Variants in CXCR6 observed in about 807,000 individuals in gnomAD.
CXCR6 encodes the protein C-X-C chemokine receptor type 6.
In CXCR6, 3 loss-of-function variants were observed where a neutral mutation model predicts 1.6. The observed-to-expected ratio is 1.83, with a 90% CI of 0.83 to 4.72. The LOEUF is 4.72. Among genes scored for constraint, CXCR6 ranks in the 30% most tolerant of loss-of-function variants. CXCR6 has a pLI of 0.02. For missense variants in CXCR6, 326 were observed against 414.8 expected (o/e 0.79, Z 1.86); for synonymous variants, 171 against 159.2 (o/e 1.07, Z -0.56).
In CXCR6 at chr3:45,946,489, A is replaced by C. The variant is rs1196953585; in HGVS notation, c.8A>C (p.Glu3Ala). 7 of 1,612,338 alleles carry C rather than the reference A, an allele frequency of 4.3e-6. No individual in the cohort carries two copies. In the Admixed American group the frequency reaches 8.3e-5, roughly 19 times the overall value. MAEHDYHEDYGFS... is the reference protein window; with the variant it reads MAAHDYHEDYGFS... ...TTCATCAGAACAGACACCATGGCAGAGCATGATTACCATGAAGACTATGGG... is the reference window on the plus strand; with the variant it reads ...TTCATCAGAACAGACACCATGGCAGCGCATGATTACCATGAAGACTATGGG... The change falls in exon 2 of 2, where the codon GAG (glutamate) becomes GCG (alanine). Residue 3 changes from glutamate (E) to alanine (A), a missense_variant. Glu to Ala is a moderately radical substitution (Grantham distance 107). Transcript: ENST00000304552.
chr3:45,947,488 C>T lies in CXCR6; in HGVS notation c.1007C>T (p.Ala336Val). 1 of 1,613,742 alleles carries T rather than the reference C, an allele frequency of 6.2e-7. No individual in the cohort carries two copies. Among genetic ancestry groups the T allele is most frequent in the Non-Finnish European group, 8.5e-7 (1 of 1,179,652 alleles). ...TTTTCTGCCTCCCACAATGTGGAGG[C>T]CACCAGCATGTTCCAGTTATAGGCC... ...KTFSASHNVE[A>V]TSMFQL Residue 336 changes from alanine (A) to valine (V), a missense_variant, in exon 2 of 2, where the codon GCC (alanine) becomes GTC (valine). Physicochemically the swap from Ala to Val is moderately conservative, Grantham distance 64. Coordinates refer to ENST00000304552, the MANE Select transcript of CXCR6 (RefSeq NM_006564.2).
intron 1 of CXCR6, chr3:45,944,975 C>T (rs1468635489): frequency 1.3e-5 from 2 of 152,174 alleles, no homozygotes; most frequent in East Asian, 1.9e-4. Context: ...TACTGGCTGA[C>T]CTATCACCCT....
In CXCR6 at chr3:45,948,315, T is replaced by C. The variant is rs544379476; in HGVS notation, c.*805T>C. 1 of 166,538 alleles carries C rather than the reference T, an allele frequency of 6.0e-6. No homozygotes were observed. The highest frequency in any genetic ancestry group is 1.9e-4 in the East Asian group (1 of 5,196). 10.3% of individuals were successfully genotyped at this position (166,538 alleles called of 1,614,324 possible). A position where few individuals can be genotyped will look rare whatever the true frequency, so the allele number is the denominator to read the frequency against. ...TGTCATATATTACTAGCATATGAGTTTCATAGCTAAGAAATAAAACTGTTA... is the reference window on the plus strand; with the variant it reads ...TGTCATATATTACTAGCATATGAGTCTCATAGCTAAGAAATAAAACTGTTA... On this transcript the variant is annotated 3_prime_UTR_variant, in exon 2 of 2. Transcript: ENST00000304552.
intron 1 of CXCR6, among the ~76,000 whole-genome samples, chr3:45,944,443 A>T (rs1704452277): frequency 6.6e-6 from 1 of 152,166 alleles, no homozygotes; most frequent in East Asian, 1.9e-4. Context: ...TACTTCCTAA[A>T]CATTTAAGTA....
Position 45,946,900 on chromosome 3 carries a change from A to T in CXCR6, c.419A>T (p.Gln140Leu). 6.2e-7 allele frequency: 1 copy of T among 1,614,274 alleles called. No homozygotes were observed. The highest frequency in any genetic ancestry group is 8.5e-7 in the Non-Finnish European group (1 of 1,180,046). ...VVVKATKAYNQQAKRMTWGKV... is the reference protein window; with the variant it reads ...VVVKATKAYNLQAKRMTWGKV... ...GTTAAGGCCACCAAGGCCTACAACC[A>T]GCAAGCCAAGAGGATGACCTGGGGC... Residue 140 changes from glutamine (Q) to leucine (L), a missense_variant, in exon 2 of 2, where the codon CAG becomes CTG. Coordinates refer to ENST00000304552, the MANE Select transcript of CXCR6 (RefSeq NM_006564.2).
intron 1 of CXCR6, chr3:45,946,106 A>G (rs537785543): frequency 9.9e-6 from 2 of 201,082 alleles, no homozygotes; most frequent in Non-Finnish European, 1.0e-5. Context: ...ACCATCCATC[A>G]TCAGTGTTGC....
At position 45,947,668 on chromosome 3, in the gene CXCR6, A is replaced by G; in HGVS notation, c.*158A>G. On this transcript the variant is annotated 3_prime_UTR_variant, in exon 2 of 2. Transcript: ENST00000304552. Reference sequence around the variant, plus strand: ...GGAATGCTTCTTCTCAGGCATGAACATGTACTGTTCTCTTCTTGAACACTC... The same window carrying G: ...GGAATGCTTCTTCTCAGGCATGAACGTGTACTGTTCTCTTCTTGAACACTC... The G allele has an allele frequency of 3.1e-6, 2 of 644,488 alleles. No individual in the cohort carries two copies. Among genetic ancestry groups the G allele is most frequent in the Non-Finnish European group, 2.8e-6 (1 of 363,170 alleles). The allele number at this position is 644,488 out of a possible 1,614,324, so 39.9% of individuals were successfully genotyped here. A position where few individuals can be genotyped will look rare whatever the true frequency, so the allele number is the denominator to read the frequency against.
chr3:45,943,075 G>A (rs979517187), upstream of CXCR6, among the ~76,000 whole-genome samples: 2 of 152,150 alleles, frequency 1.3e-5, no homozygotes, highest in African/African-American at 4.8e-5. Flanking sequence ...TATCACATAT[G>A]CTGGAGCTGC....
chr3:45,942,965 TG>T (rs1271003649), upstream of CXCR6, among the ~76,000 whole-genome samples: 1 of 152,178 alleles, frequency 6.6e-6, no homozygotes, highest in Non-Finnish European at 1.5e-5. Flanking sequence ...AGTTTCTAGC[TG>T]TGTGCACCAG....
At chr3:45,944,555 T>C (rs1018255890) in intron 1 of CXCR6, among the ~76,000 whole-genome samples, 2 of 152,078 alleles carry the variant, frequency 1.3e-5, no homozygotes, top group Admixed American at 1.3e-4. Context: ...GAAAACAAAA[T>C]AGGATTTTAA....
In CXCR6 at chr3:45,946,501, A is replaced by G; in HGVS notation, c.20A>G (p.His7Arg). 1 of 1,613,734 alleles carries G rather than the reference A, an allele frequency of 6.2e-7. No individual in the cohort carries two copies. The highest frequency in any genetic ancestry group is 8.5e-7 in the Non-Finnish European group (1 of 1,179,654). ...GACACCATGGCAGAGCATGATTACC[A>G]TGAAGACTATGGGTTCAGCAGTTTC... is the stretch of plus-strand genomic sequence containing the variant. MAEHDY[H>R]EDYGFSSFND... is the part of the protein sequence containing the mutation. Residue 7 changes from histidine to arginine, a missense_variant, in exon 2 of 2, where the codon CAT (histidine) becomes CGT (arginine). Coordinates refer to ENST00000304552, the MANE Select transcript of CXCR6 (RefSeq NM_006564.2).
At chr3:45,941,662 T>G (rs1704234189), upstream of CXCR6, among the ~76,000 whole-genome samples, 1 of 152,220 alleles carries the variant, frequency 6.6e-6, no homozygotes, top group African/African-American at 2.4e-5. Context: ...CAAGCCATGC[T>G]TTCTCAAATA....
chr3:45,941,483 AT>A (rs1704220607), upstream of CXCR6, among the ~76,000 whole-genome samples: 1 of 152,264 alleles, frequency 6.6e-6, no homozygotes, highest in Admixed American at 6.5e-5. Flanking sequence ...AATAAAAGTA[AT>A]GCCCTTAAAA....
chr3:45,948,066 C>T lies in CXCR6; in HGVS notation c.*556C>T, dbSNP rs1704753139. ...GCTTTGATTAATCCAGAATAACTAG[C>T]ACCAGGGACTATGAATGGGCAAAAC... On this transcript the variant is annotated 3_prime_UTR_variant, in exon 2 of 2. Transcript: ENST00000304552. 1 of 168,012 alleles carries T rather than the reference C, an allele frequency of 6.0e-6. No individual in the cohort carries two copies. The highest frequency in any genetic ancestry group is 2.4e-5 in the African/African-American group (1 of 41,454). The allele number at this position is 168,012 out of a possible 1,614,324, so 10.4% of individuals were successfully genotyped here.
chr3:45,941,677 T>C (rs1704235356), upstream of CXCR6, among the ~76,000 whole-genome samples: 1 of 152,128 alleles, frequency 6.6e-6, no homozygotes, highest in Non-Finnish European at 1.5e-5. Context: ...CAAATACACA[T>C]ATCCCCATAT....
upstream of CXCR6, among the ~76,000 whole-genome samples, chr3:45,942,486 G>A (rs56354570): frequency 3.9e-3 from 597 of 152,306 alleles, no homozygotes; most frequent in Non-Finnish European, 6.8e-3. Flanking sequence ...AACAGCATTG[G>A]AGAGAAGCAG....
In CXCR6 at chr3:45,948,262, TG is replaced by T. The variant is rs1402653909; in HGVS notation, c.*753del. 1 of 167,030 alleles carries T rather than the reference TG, an allele frequency of 6.0e-6. No individual in the cohort carries two copies. Among genetic ancestry groups the T allele is most frequent in the Non-Finnish European group, 1.5e-5 (1 of 68,140 alleles). 10.3% of individuals were successfully genotyped at this position (167,030 alleles called of 1,614,324 possible). On this transcript the variant is annotated 3_prime_UTR_variant, in exon 2 of 2. Transcript: ENST00000304552. ...TGTCTGCCACACAAACGTATGTAAA[TG>T]TATATACCCACACACATACACACAT...
At chr3:45,944,905 T>C (rs1367942401) in intron 1 of CXCR6, 1 of 152,210 alleles carries the variant, frequency 6.6e-6, no homozygotes, top group Non-Finnish European at 1.5e-5. Context: ...CAATAACACA[T>C]ACACATCATC....
rs1704709650 is a variant in CXCR6 at position 45,947,595 on chromosome 3, T to C, written c.*85T>C. The stretch of plus-strand genomic sequence containing the variant: ...GATGTGGTGAGGCAGGCTTTGTTTA[T>C]AGCTTGCGCATTCTCATGGAGAAGT... On this transcript the variant is annotated 3_prime_UTR_variant, in exon 2 of 2. Coordinates refer to ENST00000304552, the MANE Select transcript of CXCR6 (RefSeq NM_006564.2). 7 of 1,053,334 alleles carry C rather than the reference T, an allele frequency of 6.6e-6. No individual in the cohort carries two copies. Among genetic ancestry groups the C allele is most frequent in the South Asian group, 1.5e-5 (1 of 67,138 alleles). 65.2% of individuals were successfully genotyped at this position (1,053,334 alleles called of 1,614,324 possible).
Sources: gnomAD v4.1 joint callset for allele counts (sites outside exome capture counted in the v4.1 genomes callset) on GRCh38, gnomAD v4.1.1 for gene constraint, MANE v1.5 for transcripts, NCBI Gene and HGNC (gene_info 2026-07-23, HGNC 2026-07-21) for gene names.